TLE4: variants seen among roughly 807,000 people sequenced by gnomAD.
The protein encoded by TLE4 is transducin-like enhancer protein 4.
In TLE4, 8 loss-of-function variants were observed where a neutral mutation model predicts 92.8. That is an observed-to-expected ratio of 0.09 (90% confidence interval 0.05 to 0.16). The LOEUF is 0.16. TLE4 is among the 10% of genes least tolerant of loss of function. TLE4 has a pLI of 1.00. For synonymous variants in TLE4, 371 were observed against 374.1 expected (o/e 0.99, Z 0.10); for missense variants, 675 against 997.6 (o/e 0.68, Z 4.36).
Position 79,606,816 on chromosome 9 carries a change from G to A in TLE4, c.253-5840G>A, listed in dbSNP as rs536588179. Among the ~76,000 whole-genome samples, 7 of 152,256 alleles carry A rather than the reference G, an allele frequency of 4.6e-5. No individual in the cohort carries two copies. In the South Asian group the frequency reaches 1.5e-3, roughly 32 times the overall value. ...ATTGGTCCCAAGTCTTTGCTACTGT[G>A]AATAGTGCTGCAGTAAACATATGTG... On this transcript the variant is annotated intron_variant, in intron 4 of 19. Transcript: ENST00000376552.
intron 8 of TLE4, among the ~76,000 whole-genome samples, chr9:79,672,568 C>T (rs1564807164): frequency 6.6e-6 from 1 of 152,156 alleles, no homozygotes; most frequent in African/African-American, 2.4e-5. Flanking sequence ...TTCATTCTTA[C>T]CAACCGCCAG....
intron 5 of TLE4, among the ~76,000 whole-genome samples, chr9:79,615,035 T>C (rs2049203300): frequency 6.6e-6 from 1 of 152,210 alleles, no homozygotes; most frequent in African/African-American, 2.4e-5. Context: ...GTGTATCTTT[T>C]ATTGTGTGAG....
chr9:79,697,241 G>T (rs916422765), intron 8 of TLE4, among the ~76,000 whole-genome samples: 2 of 152,150 alleles, frequency 1.3e-5, no homozygotes, highest in African/African-American at 4.8e-5. Context: ...TGACTTTGGG[G>T]TGATAGGTAG....
intron 4 of TLE4, among the ~76,000 whole-genome samples, chr9:79,604,230 C>A (rs999916605): frequency 7.9e-5 from 12 of 152,062 alleles, no homozygotes; most frequent in African/African-American, 2.9e-4. Flanking sequence ...GAAGGTGGTT[C>A]CAGGTAGAGG....
chr9:79,646,822 G>C (rs1319563787), intron 6 of TLE4, among the ~76,000 whole-genome samples: 3 of 152,002 alleles, frequency 2.0e-5, no homozygotes, highest in African/African-American at 7.2e-5. Flanking sequence ...TAAAACACTT[G>C]ATAAAAATTG....
chr9:79,639,362 C>A (rs867094856), intron 6 of TLE4, among the ~76,000 whole-genome samples: 4 of 152,154 alleles, frequency 2.6e-5, no homozygotes. Context: ...CAAGGACAGA[C>A]CACATATATG....
rs991186558 is a variant in TLE4, at chr9:79,706,796, G to C, written c.833G>C (p.Gly278Ala). The C allele has an allele frequency of 6.2e-7, 1 of 1,614,098 alleles. No individual in the cohort carries two copies. The highest frequency in any genetic ancestry group is 1.3e-5 in the African/African-American group (1 of 75,006). Residue 278 changes from glycine (G) to alanine (A), a missense_variant, in exon 11 of 20, where the codon GGC (glycine) becomes GCC (alanine). Coordinates refer to ENST00000376552, the MANE Select transcript of TLE4 (RefSeq NM_007005.6). ...GSPAHSPREN[G>A]LDKTRLLKKD... ...CCAGCACATTCCCCCAGAGAGAATG[G>C]CCTAGACAAGACACGCCTGCTCAAG...
rs71364488 is a variant in TLE4, at chr9:79,720,377, GGTGTGTGTGT to G, written c.1838+123_1838+132del. ...CCAAAGTGCTGTGTATATAGGTATG[GGTGTGTGTGT>G]GTGTGTGTGTGTGTGTGTGTGTGTG... is the stretch of plus-strand genomic sequence containing the variant. On this transcript the variant is annotated intron_variant, in intron 16 of 19. Transcript: ENST00000376552. 373 of 316,336 alleles carry G rather than the reference GGTGTGTGTGT, an allele frequency of 1.2e-3. 1 individual carries two copies. Among genetic ancestry groups the G allele is most frequent in the African/African-American group, 3.4e-3 (97 of 28,600 alleles). 19.6% of individuals were successfully genotyped at this position (316,336 alleles called of 1,614,324 possible).
chr9:79,634,706 T>G (rs1241300435), intron 6 of TLE4, among the ~76,000 whole-genome samples: 1 of 152,156 alleles, frequency 6.6e-6, no homozygotes, highest in African/African-American at 2.4e-5. Context: ...TCTTCCAAAG[T>G]GAGCCTTTTT....
At chr9:79,678,077 G>C (rs986639699) in intron 8 of TLE4, among the ~76,000 whole-genome samples, 1 of 152,012 alleles carries the variant, frequency 6.6e-6, no homozygotes, top group East Asian at 1.9e-4. Flanking sequence ...TGCAGTCTCT[G>C]TCTCAGTTAA....
chr9:79,697,348 G>C (rs537585440), intron 8 of TLE4, among the ~76,000 whole-genome samples: 1 of 152,182 alleles, frequency 6.6e-6, no homozygotes, highest in East Asian at 1.9e-4. Flanking sequence ...TAATGATCAG[G>C]AGAGGGATTA....
chr9:79,620,864 C>T (rs946651630), intron 5 of TLE4, among the ~76,000 whole-genome samples: 12 of 151,776 alleles, frequency 7.9e-5, no homozygotes, highest in African/African-American at 2.7e-4. Context: ...TGATGGAAGG[C>T]GAAGTGGTGA....
chr9:79,687,272 T>C (rs2066072175), intron 8 of TLE4, among the ~76,000 whole-genome samples: 2 of 152,140 alleles, frequency 1.3e-5, no homozygotes, highest in Non-Finnish European at 2.9e-5. Flanking sequence ...CACGTACAAG[T>C]TATACAGAAG....
intron 1 of TLE4, 63 bp downstream of exon 1, chr9:79,572,898 G>C: frequency 6.5e-7 from 1 of 1,538,610 alleles, no homozygotes; most frequent in South Asian, 1.2e-5. Context: ...GTCGCCCCCT[G>C]CGCACCGAGT....
chr9:79,695,129 C>T (rs2067948196), intron 8 of TLE4, among the ~76,000 whole-genome samples: 1 of 152,150 alleles, frequency 6.6e-6, no homozygotes, highest in African/African-American at 2.4e-5. Context: ...ATTTATCCAA[C>T]AATGAATATT....
chr9:79,601,696 C>G (rs1471644388), intron 4 of TLE4, among the ~76,000 whole-genome samples: 1 of 152,252 alleles, frequency 6.6e-6, no homozygotes, highest in East Asian at 1.9e-4. Context: ...CTTTCCCTCT[C>G]CTCAGGCTTC....
At chr9:79,671,337 T>C in intron 8 of TLE4, 1 of 449,530 alleles carries the variant, frequency 2.2e-6, no homozygotes. Flanking sequence ...GTGCTTCTAC[T>C]GGTAGGAAAA....
intron 4 of TLE4, among the ~76,000 whole-genome samples, chr9:79,588,335 A>AG (rs750663927): frequency 7.2e-5 from 11 of 151,952 alleles, no homozygotes; most frequent in Admixed American, 1.3e-4. Context: ...TTTTTAGTAG[A>AG]GACGGGGTTT....
At chr9:79,597,750 C>G (rs2044379002) in intron 4 of TLE4, among the ~76,000 whole-genome samples, 1 of 152,172 alleles carries the variant, frequency 6.6e-6, no homozygotes, top group African/African-American at 2.4e-5. Flanking sequence ...GTTACTCTTG[C>G]ATTTGTTTAC....
Sources: gnomAD v4.1 joint callset for allele counts (sites outside exome capture counted in the v4.1 genomes callset) on GRCh38, gnomAD v4.1.1 for gene constraint, MANE v1.5 for transcripts, NCBI Gene and HGNC (gene_info 2026-07-23, HGNC 2026-07-21) for gene names.